LRMDA: variants seen among roughly 807,000 people sequenced by gnomAD.
LRMDA encodes the protein leucine rich melanocyte differentiation associated.
In LRMDA, 18 loss-of-function variants were observed where a neutral mutation model predicts 29.8. That is an observed-to-expected ratio of 0.60 (90% CI 0.42 to 0.90). The LOEUF is 0.90. Among genes scored for constraint, LRMDA ranks in the 40% least tolerant of loss-of-function variants. The pLI is 0.00. For synonymous variants in LRMDA, 125 were observed against 109.4 expected, an observed-to-expected ratio of 1.14 and a Z score of -0.89; for missense variants, 273 against 273.9, an observed-to-expected ratio of 1.00 and a Z score of 0.02.
chr10:75,894,528 C>G (rs1267072266), intron 2 of LRMDA, among the ~76,000 whole-genome samples: 2 of 152,152 alleles, frequency 1.3e-5, no homozygotes, highest in Non-Finnish European at 2.9e-5. Context: ...ACTTCTTTTC[C>G]TCTGGGTAGA....
intron 6 of LRMDA, among the ~76,000 whole-genome samples, chr10:76,556,851 T>A (rs902756178): frequency 6.6e-6 from 1 of 152,160 alleles, no homozygotes; most frequent in Admixed American, 6.5e-5. Flanking sequence ...TTTAAACTCT[T>A]AATTTTCCAT....
intron 2 of LRMDA, among the ~76,000 whole-genome samples, chr10:75,563,967 CTCAGGGG>C (rs1328678640): frequency 2.6e-5 from 4 of 152,340 alleles, no homozygotes; most frequent in African/African-American, 7.2e-5. Context: ...AGTTAGGCTG[CTCAGGGG>C]TCAGGGGTCA....
chr10:75,947,033 C>T (rs955866091), intron 2 of LRMDA, among the ~76,000 whole-genome samples: 2 of 152,184 alleles, frequency 1.3e-5, no homozygotes, highest in Non-Finnish European at 2.9e-5. Flanking sequence ...AGGCCCTGCC[C>T]CACCCATCCA....
chr10:76,059,437 C>T (rs1297617142), intron 5 of LRMDA, among the ~76,000 whole-genome samples: 5 of 152,158 alleles, frequency 3.3e-5, no homozygotes, highest in African/African-American at 1.2e-4. Context: ...GTCTTGGATT[C>T]AGACACAAGG....
chr10:75,640,045 G>A (rs1706146594), intron 2 of LRMDA, among the ~76,000 whole-genome samples: 1 of 152,212 alleles, frequency 6.6e-6, no homozygotes, highest in Non-Finnish European at 1.5e-5. Flanking sequence ...CATCTGCTTA[G>A]TCTGGGGTGA....
At chr10:76,432,346 C>A (rs1024190365) in intron 6 of LRMDA, among the ~76,000 whole-genome samples, 6 of 152,138 alleles carry the variant, frequency 3.9e-5, no homozygotes, top group African/African-American at 1.4e-4. Flanking sequence ...GAGGAAAGAT[C>A]ATTCTAACAC....
chr10:75,533,592 CTA>C (rs1362895425), intron 2 of LRMDA, among the ~76,000 whole-genome samples: 1 of 152,220 alleles, frequency 6.6e-6, no homozygotes, highest in African/African-American at 2.4e-5. Context: ...CATTGCACAT[CTA>C]TGTTTTCTTG....
intron 5 of LRMDA, among the ~76,000 whole-genome samples, chr10:76,095,582 G>A (rs1400425548): frequency 6.6e-6 from 1 of 152,200 alleles, no homozygotes; most frequent in Non-Finnish European, 1.5e-5. Context: ...TTTTCAAAGT[G>A]GCTGGCTGTA....
chr10:76,020,604 C>A (rs1215737699), intron 2 of LRMDA, among the ~76,000 whole-genome samples: 1 of 152,202 alleles, frequency 6.6e-6, no homozygotes, highest in Non-Finnish European at 1.5e-5. Flanking sequence ...GCCACTGACT[C>A]CTGTCCAAGC....
chr10:75,623,578 C>T (rs1050700897), intron 2 of LRMDA, among the ~76,000 whole-genome samples: 3 of 152,114 alleles, frequency 2.0e-5, no homozygotes, highest in African/African-American at 4.8e-5. Flanking sequence ...TTCTTAAATT[C>T]GAGTCTGAGA....
At position 75,627,246 on chromosome 10, in the gene LRMDA, C is replaced by T. The variant is rs1841262452; in HGVS notation, c.131+188752C>T. ...ATAGTTATTTACACATATTAGTTTT[C>T]AGACACACAGTGTGATTTTTTATAT... On this transcript the variant is annotated intron_variant, in intron 2 of 6. Coordinates refer to ENST00000611255, the MANE Select transcript of LRMDA (RefSeq NM_001305581.2). Among the ~76,000 whole-genome samples the T allele has an allele frequency of 2.0e-5, 3 of 152,096 alleles. No individual in the cohort carries two copies. The South Asian group carries it at 6.2e-4, about 32-fold the overall frequency.
intron 5 of LRMDA, among the ~76,000 whole-genome samples, chr10:76,191,071 C>T (rs1229648958): frequency 6.6e-6 from 1 of 152,132 alleles, no homozygotes; most frequent in Non-Finnish European, 1.5e-5. Flanking sequence ...GCTTAATTTT[C>T]CTTTCCAAGG....
chr10:75,798,989 C>T (rs781443567), intron 2 of LRMDA, among the ~76,000 whole-genome samples: 8 of 152,130 alleles, frequency 5.3e-5, no homozygotes, highest in Non-Finnish European at 8.8e-5. Flanking sequence ...ATCTTGTGTA[C>T]TTGAAAATGT....
chr10:76,047,967 CA>C (rs1848468637), intron 4 of LRMDA, among the ~76,000 whole-genome samples: 1 of 152,312 alleles, frequency 6.6e-6, no homozygotes, highest in East Asian at 1.9e-4. Flanking sequence ...AGCCCTGATC[CA>C]AAGTCATTTA....
intron 2 of LRMDA, among the ~76,000 whole-genome samples, chr10:75,445,654 T>G (rs1296865045): frequency 6.6e-6 from 1 of 152,244 alleles, no homozygotes; most frequent in East Asian, 1.9e-4. Context: ...CTCCCCTGAT[T>G]GGGGCAGGGC....
intron 6 of LRMDA, among the ~76,000 whole-genome samples, chr10:76,508,594 C>CT (rs750333924): frequency 1.1e-3 from 166 of 144,844 alleles, no homozygotes; most frequent in African/African-American, 2.6e-3. Flanking sequence ...TGACTCTTGA[C>CT]TTTTTTTTTT....
At chr10:76,300,866 G>A (rs1840472111) in intron 5 of LRMDA, among the ~76,000 whole-genome samples, 1 of 152,150 alleles carries the variant, frequency 6.6e-6, no homozygotes, top group African/African-American at 2.4e-5. Context: ...TACCATTGTA[G>A]GATTGTTCTA....
chr10:75,834,367 C>T (rs937979699), intron 2 of LRMDA, among the ~76,000 whole-genome samples: 1 of 152,116 alleles, frequency 6.6e-6, no homozygotes, highest in Admixed American at 6.5e-5. Flanking sequence ...GATATTTTGA[C>T]CCTTCTGAGT....
intron 6 of LRMDA, among the ~76,000 whole-genome samples, chr10:76,427,470 C>T (rs1276837552): frequency 1.3e-5 from 2 of 152,180 alleles, no homozygotes; most frequent in East Asian, 3.9e-4. Context: ...TGAGACTTTG[C>T]TGAAGTTGCT....
Sources: allele counts gnomAD v4.1 joint callset (sites outside exome capture counted in the v4.1 genomes callset), GRCh38; gene constraint gnomAD v4.1.1; transcripts MANE v1.5; gene names NCBI Gene and HGNC (gene_info 2026-07-23, HGNC 2026-07-21).